The following CXCL13 variants were observed in gnomAD, a reference collection of about 807,000 sequenced individuals.
CXCL13 encodes the protein C-X-C motif chemokine ligand 13.
A neutral mutation model predicts 12.2 loss-of-function variants in CXCL13; 7 were observed. The ratio of observed to expected loss-of-function variants is 0.57; its 90% CI spans 0.33 to 1.07. The LOEUF (loss-of-function observed/expected upper bound fraction) is 1.07. Among genes scored for constraint, CXCL13 ranks in the 50% least tolerant of loss-of-function variants. The pLI, the probability that CXCL13 is intolerant of heterozygous loss-of-function variation, is 0.04. For synonymous variants in CXCL13, 47 were observed against 42.4 expected (o/e 1.11, Z -0.42); for missense variants, 113 against 127.4 (o/e 0.89, Z 0.55).
intron 1 of CXCL13, among the ~76,000 whole-genome samples, chr4:77,582,551 G>A (rs758179478): frequency 4.6e-5 from 7 of 152,156 alleles, no homozygotes; most frequent in African/African-American, 7.2e-5. Flanking sequence ...TAAAACCAGC[G>A]TGGGGGAAGC....
chr4:77,530,108 G>T (rs912268925), intron 1 of CXCL13, among the ~76,000 whole-genome samples: 1 of 152,128 alleles, frequency 6.6e-6, no homozygotes, highest in South Asian at 2.1e-4. Flanking sequence ...AACCAGCCTT[G>T]CATCCCAGGA....
intron 1 of CXCL13, among the ~76,000 whole-genome samples, chr4:77,580,147 A>G (rs1726282923): frequency 6.6e-6 from 1 of 152,040 alleles, no homozygotes; most frequent in African/African-American, 2.4e-5. Flanking sequence ...AATGGGTACA[A>G]TTACATTATT....
At chr4:77,530,027 A>G (rs1362889616) in intron 1 of CXCL13, among the ~76,000 whole-genome samples, 1 of 152,150 alleles carries the variant, frequency 6.6e-6, no homozygotes, top group Non-Finnish European at 1.5e-5. Flanking sequence ...GCATCTATTG[A>G]GATAATCATA....
intron 1 of CXCL13, among the ~76,000 whole-genome samples, chr4:77,573,366 G>T (rs1312415891): frequency 5.2e-5 from 2 of 38,242 alleles, no homozygotes; most frequent in South Asian, 7.7e-4. Context: ...GGTCTTTTGT[G>T]TGTGTGTGTG....
At chr4:77,544,453 A>G (rs527418022) in intron 1 of CXCL13, among the ~76,000 whole-genome samples, 1 of 152,204 alleles carries the variant, frequency 6.6e-6, no homozygotes, top group South Asian at 2.1e-4. Flanking sequence ...CTGGTGTGAG[A>G]TGGTATCTCA....
chr4:77,602,796 CTATT>C (rs751443291), upstream of CXCL13, among the ~76,000 whole-genome samples: 34 of 152,056 alleles, frequency 2.2e-4, no homozygotes, highest in Non-Finnish European at 4.0e-4. Context: ...AGTTTTAAAT[CTATT>C]TGTTTAAATA....
At chr4:77,518,789 A>G (rs1724497494) in intron 1 of CXCL13, among the ~76,000 whole-genome samples, 1 of 151,872 alleles carries the variant, frequency 6.6e-6, no homozygotes, top group Non-Finnish European at 1.5e-5. Flanking sequence ...TCTTCTCTCA[A>G]CTCTTCAAAG....
chr4:77,556,380 T>G (rs1725660265), intron 1 of CXCL13, among the ~76,000 whole-genome samples: 1 of 152,120 alleles, frequency 6.6e-6, no homozygotes, highest in Admixed American at 6.5e-5. Flanking sequence ...TATGTGATAT[T>G]TTAGAAAAAG....
upstream of CXCL13, among the ~76,000 whole-genome samples, chr4:77,604,294 C>T (rs1369443787): frequency 1.3e-5 from 2 of 152,134 alleles, no homozygotes; most frequent in African/African-American, 4.8e-5. Context: ...GTAGACTTCA[C>T]CAGATCAGCA....
intron 1 of CXCL13, among the ~76,000 whole-genome samples, chr4:77,562,267 G>A (rs984042072): frequency 2.0e-5 from 3 of 150,768 alleles, no homozygotes; most frequent in Admixed American, 6.6e-5. Context: ...TCCCTGACGG[G>A]CAACGCCCCC....
At chr4:77,573,636 C>T (rs1000904567) in intron 1 of CXCL13, among the ~76,000 whole-genome samples, 6 of 151,630 alleles carry the variant, frequency 4.0e-5, no homozygotes, top group Non-Finnish European at 7.4e-5. Flanking sequence ...AAAAAATTGG[C>T]CAATTCAGAT....
intron 1 of CXCL13, among the ~76,000 whole-genome samples, chr4:77,545,596 T>C (rs1054026842): frequency 6.6e-6 from 1 of 152,228 alleles, no homozygotes; most frequent in African/African-American, 2.4e-5. Context: ...CACATTGATT[T>C]TGTATCCTGA....
intron 1 of CXCL13, among the ~76,000 whole-genome samples, chr4:77,516,389 T>C (rs1165163710): frequency 6.6e-6 from 1 of 152,178 alleles, no homozygotes; most frequent in African/African-American, 2.4e-5. Flanking sequence ...ATGGTACCAG[T>C]TCCTCCTTGT....
chr4:77,539,109 G>C (rs1418472013), intron 1 of CXCL13, among the ~76,000 whole-genome samples: 1 of 150,770 alleles, frequency 6.6e-6, no homozygotes, highest in Non-Finnish European at 1.5e-5. Flanking sequence ...CTGTCGCCCA[G>C]GCTGGAGGGC....
At chr4:77,521,290 G>T (rs181699095) in intron 1 of CXCL13, among the ~76,000 whole-genome samples, 5 of 152,304 alleles carry the variant, frequency 3.3e-5, no homozygotes, top group African/African-American at 1.2e-4. Flanking sequence ...CAGAAGGAAT[G>T]GTACCAGCTC....
chr4:77,529,045 T>C (rs1339912746), intron 1 of CXCL13, among the ~76,000 whole-genome samples: 4 of 152,114 alleles, frequency 2.6e-5, no homozygotes, highest in East Asian at 3.9e-4. Context: ...AATCCTTTCC[T>C]CATTTCTTGT....
chr4:77,610,883 G>T, intron 3 of CXCL13, 105 bp from the exon 4 acceptor site: 1 of 1,041,184 alleles, frequency 9.6e-7, no homozygotes. Context: ...AACCAAACTA[G>T]ATGCCAGTAT....
Position 77,608,627 on chromosome 4 carries a change from A to G in CXCL13, c.197+792A>G, listed in dbSNP as rs116008425. On this transcript the variant is annotated intron_variant, in intron 2 of 3. Coordinates refer to ENST00000682537, the MANE Select transcript of CXCL13 (RefSeq NM_001371558.1). ...TCTTTAGATTTTTGCAATGTTTGTA[A>G]GCAGCTACTTCCTCTTTGTCACATT... Among the ~76,000 whole-genome samples the G allele has an allele frequency of 5.3e-3, 801 of 152,266 alleles. 8 individuals are homozygous for G. The highest frequency in any genetic ancestry group is 0.017 in the African/African-American group (696 of 41,550).
Position 77,582,415 on chromosome 4 carries a change from G to T in CXCL13, c.-42-23409G>T, listed in dbSNP as rs547136265. ...GATCGGGTAGGCAGTGGGATCAGGG[G>T]AGACATTCCTGGGGAATTTATGTTT... On this transcript the variant is annotated intron_variant, in intron 1 of 4. Transcript: ENST00000286758. Among the ~76,000 whole-genome samples the T allele has an allele frequency of 5.6e-4, 86 of 152,344 alleles. 1 individual carries two copies. Among genetic ancestry groups the T allele is most frequent in the Admixed American group, 3.9e-3 (59 of 15,290 alleles).
Sources: allele counts gnomAD v4.1 joint callset (sites outside exome capture counted in the v4.1 genomes callset), GRCh38; gene constraint gnomAD v4.1.1; transcripts MANE v1.5; gene names NCBI Gene and HGNC (gene_info 2026-07-23, HGNC 2026-07-21).